The following ZC3H7B variants were observed in gnomAD, a reference collection of about 807,000 sequenced individuals.
ZC3H7B encodes the protein zinc finger CCCH-type containing 7B.
Under a neutral mutation model 116.0 loss-of-function variants are expected in ZC3H7B, and 35 were observed. That is an observed-to-expected ratio of 0.30 (90% CI 0.23 to 0.40). The LOEUF (loss-of-function observed/expected upper bound fraction) is 0.40. Among genes scored for constraint, ZC3H7B ranks in the 10% least tolerant of loss-of-function variants. The probability of loss-of-function intolerance (pLI) is 1.00; values close to 1 mark genes in which losing one functional copy is unlikely to be tolerated. For missense variants in ZC3H7B, 1,011 were observed against 1,321.5 expected, an observed-to-expected ratio of 0.77 and a Z score of 3.64; for synonymous variants, 502 against 545.6, an observed-to-expected ratio of 0.92 and a Z score of 1.11.
chr22:41,349,822 C>T lies in ZC3H7B; in HGVS notation c.1948+521C>T, dbSNP rs772482885. 3.9e-5 allele frequency among the ~76,000 whole-genome samples: 6 copies of T among 152,200 alleles called. No individual in the cohort carries two copies. The highest frequency in any genetic ancestry group is 7.2e-5 in the African/African-American group (3 of 41,460). The stretch of plus-strand genomic sequence containing the variant: ...GAGGCCCTTACTTTCAGAGAACCTA[C>T]ATTTATAAGTGGGGGCCAGACAGAT... On this transcript the variant is annotated intron_variant, in intron 16 of 22. Coordinates refer to ENST00000352645, the MANE Select transcript of ZC3H7B (RefSeq NM_017590.6). The surrounding 1 kb of genome is among the most constrained non-coding windows in gnomAD (Gnocchi z 4.9).
At chr22:41,345,874 G>C (rs942934691) in intron 13 of ZC3H7B, 129 bp from the exon 14 acceptor site, 3 of 916,178 alleles carry the variant, frequency 3.3e-6, no homozygotes, top group Non-Finnish European at 3.5e-6. Context: ...TCACCTAGCT[G>C]TGTTGGGGTG....
chr22:41,308,202 T>C (rs995420018), intron 1 of ZC3H7B, among the ~76,000 whole-genome samples: 1 of 152,126 alleles, frequency 6.6e-6, no homozygotes, highest in Non-Finnish European at 1.5e-5. Context: ...TGATCATTCC[T>C]TGAGCACTTC....
chr22:41,317,688 G>C (rs890394720), intron 1 of ZC3H7B, among the ~76,000 whole-genome samples: 1 of 152,130 alleles, frequency 6.6e-6, no homozygotes, highest in African/African-American at 2.4e-5. Flanking sequence ...GGAGGCTGAG[G>C]GGGGAAGATC....
intron 2 of ZC3H7B, among the ~76,000 whole-genome samples, chr22:41,323,365 C>T (rs373346011): frequency 2.0e-5 from 3 of 152,186 alleles, no homozygotes; most frequent in East Asian, 1.9e-4. Flanking sequence ...AAGGTGACTC[C>T]GGCCACTGCT....
In ZC3H7B at chr22:41,357,246, C is replaced by T. The variant is rs753552918; in HGVS notation, c.2751C>T (p.Asn917=). ...CRCAHGQEEL[N]EWLDRREVLK... is the part of the protein sequence containing the mutation. ...GCGCCCATGGACAGGAGGAGCTCAA[C>T]GAGTGGCTGGACCGGCGCGAGGTGC... is the stretch of plus-strand genomic sequence containing the variant. The change falls in exon 23 of 23, where the codon AAC becomes AAT. Residue 917 remains asparagine (N), a synonymous_variant. Transcript: ENST00000352645. This position sits in a 1 kb window ranked among gnomAD's most constrained non-coding sequence, Gnocchi z 5.4. 5.6e-6 allele frequency: 9 copies of T among 1,613,724 alleles called. No homozygotes were observed. Among genetic ancestry groups the T allele is most frequent in the African/African-American group, 4.0e-5 (3 of 74,926 alleles).
Position 41,343,415 on chromosome 22 carries a change from G to GC in ZC3H7B, c.1303dup (p.Arg435ProfsTer9), listed in dbSNP as rs1270516432. The GC allele has an allele frequency of 6.2e-7, 1 of 1,606,090 alleles. No homozygotes were observed. The highest frequency in any genetic ancestry group is 8.5e-7 in the Non-Finnish European group (1 of 1,174,554). On this transcript the variant is annotated frameshift_variant and splice_region_variant, in exon 13 of 23. Transcript: ENST00000352645. LOFTEE classifies it high-confidence loss of function. ...TCATGTGTGTCCACCCTGCCCATAG[G>GC]CCCCCGGGCTGGCGACTACACCTAC...
At chr22:41,356,527 A>G in intron 21 of ZC3H7B, 51 bp downstream of exon 21, 1 of 1,611,698 alleles carries the variant, frequency 6.2e-7, no homozygotes, top group Non-Finnish European at 8.5e-7. Context: ...CTGTGGTCTG[A>G]GCCTCACCTG....
rs2036498211 is a variant in ZC3H7B, at chr22:41,339,975, G to A, written c.976G>A (p.Asp326Asn). 1 of 1,611,906 alleles carries A rather than the reference G, an allele frequency of 6.2e-7. No homozygotes were observed. The highest frequency in any genetic ancestry group is 1.1e-5 in the South Asian group (1 of 91,080). Residue 326 changes from aspartate to asparagine, a missense_variant, in exon 10 of 23, where the codon GAC becomes AAC. This residue lies in a region of ZC3H7B where 322 missense variants were observed against 443.9 expected (regional missense o/e 0.73). Transcript: ENST00000352645. ...LPPASFGLVM[D>N]PSKKLAASVL... Reference sequence around the variant, plus strand: ...CCCCGCCTCCTTCGGCTTGGTCATGGACCCCTCCAAGAAGCTGGCCGCCTC... The same window carrying A: ...CCCCGCCTCCTTCGGCTTGGTCATGAACCCCTCCAAGAAGCTGGCCGCCTC...
At chr22:41,323,676 C>T (rs1021815402) in intron 2 of ZC3H7B, among the ~76,000 whole-genome samples, 3 of 152,212 alleles carry the variant, frequency 2.0e-5, no homozygotes, top group Non-Finnish European at 2.9e-5. Flanking sequence ...CCCCACTCCT[C>T]CTACGCTGTG....
rs1314952922 is a variant in ZC3H7B at position 41,315,988 on chromosome 22, GT to G, written c.-6-4652del. 2.2e-3 allele frequency among the ~76,000 whole-genome samples: 314 copies of G among 142,124 alleles called. 1 individual carries two copies. Among genetic ancestry groups the G allele is most frequent in the Middle Eastern group, 7.1e-3 (2 of 280 alleles). 93.2% of individuals were successfully genotyped at this position (142,124 alleles called of 152,430 possible). On this transcript the variant is annotated intron_variant, in intron 1 of 22. Transcript: ENST00000352645. ...AAAATACATTCATTCTATCCAAATA[GT>G]TTTTTTTTTTTTTTGAGACGGAGTT...
chr22:41,344,562 C>T (rs2036561924), intron 13 of ZC3H7B, among the ~76,000 whole-genome samples: 1 of 152,224 alleles, frequency 6.6e-6, no homozygotes, highest in African/African-American at 2.4e-5. Context: ...CTTGGGAAGC[C>T]CTTCTCTGCG....
intron 6 of ZC3H7B, 93 bp from the exon 7 acceptor site, chr22:41,332,078 T>G: frequency 2.9e-6 from 4 of 1,398,622 alleles, no homozygotes; most frequent in Non-Finnish European, 4.0e-6. Flanking sequence ...CCCAGCTGCT[T>G]GTGTCAGGGC....
chr22:41,351,746 T>C lies in ZC3H7B; in HGVS notation c.2034+100T>C, dbSNP rs1051038222. ...TTTTACAATAGAGAAATGTTTACAA[T>C]GGAGGCACCTCGAATAAGTTATGAA... On this transcript the variant is annotated intron_variant, in intron 17 of 22. Transcript: ENST00000352645. The surrounding 1 kb of genome is among the most constrained non-coding windows in gnomAD (Gnocchi z 5.1). 13 of 1,124,606 alleles carry C rather than the reference T, an allele frequency of 1.2e-5. No homozygotes were observed. The African/African-American group carries it at 1.9e-4, about 16-fold the overall frequency. 69.7% of individuals were successfully genotyped at this position (1,124,606 alleles called of 1,614,324 possible). A position where few individuals can be genotyped will look rare whatever the true frequency, so the allele number is the denominator to read the frequency against.
In ZC3H7B at chr22:41,342,630, TA is replaced by T. The variant is rs776492409; in HGVS notation, c.1297+5del. ...GCCAGCTCTGCTACCCCAAGACAGG[TA>T]AACTTTCACCTGTAGACTCCACCCC... On this transcript the variant is annotated splice_donor_region_variant and intron_variant, in intron 12 of 22. Coordinates refer to ENST00000352645, the MANE Select transcript of ZC3H7B (RefSeq NM_017590.6). 6.2e-7 allele frequency: 1 copy of T among 1,611,086 alleles called. No individual in the cohort carries two copies. The highest frequency in any genetic ancestry group is 8.5e-7 in the Non-Finnish European group (1 of 1,179,570).
At chr22:41,332,582 G>C in intron 7 of ZC3H7B, 1 of 240,850 alleles carries the variant, frequency 4.2e-6, no homozygotes, top group South Asian at 8.0e-5. Flanking sequence ...GGCCTCAAAT[G>C]TCTTCCTCTT....
chr22:41,311,546 T>C (rs2036118867), intron 1 of ZC3H7B, among the ~76,000 whole-genome samples: 1 of 151,766 alleles, frequency 6.6e-6, no homozygotes, highest in Non-Finnish European at 1.5e-5. Flanking sequence ...GCATTCCAGG[T>C]AGAGGGCCCA....
chr22:41,340,130 C>T lies in ZC3H7B; in HGVS notation c.1131C>T (p.Ser377=), dbSNP rs749233979. The T allele has an allele frequency of 3.7e-6, 6 of 1,602,576 alleles. No homozygotes were observed. In the South Asian group the frequency reaches 6.7e-5, roughly 18 times the overall value. Residue 377 remains serine (S), a synonymous_variant, in exon 10 of 23, where the codon TCC becomes TCT. Transcript: ENST00000352645. ...GAGGCTCCCTGGACAAACCTGACTC[C>T]TTCATGGGTAAGGCCATGGGTGGGC... ...STRGSLDKPD[S]FMEETNSQDH...
rs571855370 is a variant in ZC3H7B at position 41,359,869 on chromosome 22, G to T, written c.*2440G>T. 6.7e-6 allele frequency: 1 copy of T among 148,608 alleles called. No homozygotes were observed. The highest frequency in any genetic ancestry group is 6.7e-5 in the Admixed American group (1 of 14,924). 9.2% of individuals were successfully genotyped at this position (148,608 alleles called of 1,614,324 possible). Reference sequence around the variant, plus strand: ...TGAATCTGGGACCTGTGTTCCCCCCGGCAGGCAGGGACAAGATGGCATGGC... The same window carrying T: ...TGAATCTGGGACCTGTGTTCCCCCCTGCAGGCAGGGACAAGATGGCATGGC... On this transcript the variant is annotated 3_prime_UTR_variant, in exon 23 of 23. Transcript: ENST00000352645.
At position 41,349,205 on chromosome 22, in the gene ZC3H7B, C is replaced by G; in HGVS notation, c.1852C>G (p.Arg618Gly). Reference protein sequence around the residue: ...FQEHFQFDVCRHEVRYGCLRE... With the variant: ...FQEHFQFDVCGHEVRYGCLRE... ...GGAGCACTTCCAGTTCGACGTGTGC[C>G]GCCATGAGGTGCGCTACGGCTGCCT... Residue 618 changes from arginine to glycine, a missense_variant, in exon 16 of 23, where the codon CGC (arginine) becomes GGC (glycine). Transcript: ENST00000352645. The surrounding 1 kb of genome is among the most constrained non-coding windows in gnomAD (Gnocchi z 4.9). 6.2e-7 allele frequency: 1 copy of G among 1,613,824 alleles called. No homozygotes were observed. The highest frequency in any genetic ancestry group is 8.5e-7 in the Non-Finnish European group (1 of 1,180,022).
Sources: gnomAD v4.1 joint callset for allele counts (sites outside exome capture counted in the v4.1 genomes callset) on GRCh38, gnomAD v4.1.1 for gene constraint, gnomAD v4.1.1 regional missense constraint, Gnocchi (gnomAD v3.1) non-coding constraint, MANE v1.5 for transcripts, NCBI Gene and HGNC (gene_info 2026-07-23, HGNC 2026-07-21) for gene names.